MPHOSPH8: variants seen among roughly 807,000 people sequenced by gnomAD.
MPHOSPH8 encodes M-phase phosphoprotein, mpp.
Under a neutral mutation model 87.3 loss-of-function variants are expected in MPHOSPH8, and 45 were observed. That is an observed-to-expected ratio of 0.52 (90% CI 0.41 to 0.66). The LOEUF is 0.66. Ranked by LOEUF, MPHOSPH8 falls within the 30% of genes least tolerant of loss-of-function variation. The pLI is 0.00. For synonymous variants in MPHOSPH8, 366 were observed against 376.9 expected (o/e 0.97, Z 0.33); for missense variants, 883 against 1,020.2 (o/e 0.87, Z 1.83).
intron 3 of MPHOSPH8, among the ~76,000 whole-genome samples, 185 bp from the exon 4 acceptor site, chr13:19,648,234 AATT>A (rs892380118): frequency 1.1e-4 from 17 of 151,836 alleles, no homozygotes; most frequent in South Asian, 2.1e-4. Flanking sequence ...ATATTTTGTG[AATT>A]ATTATATGGT....
intron 9 of MPHOSPH8, 50 bp from the exon 10 acceptor site, chr13:19,666,375 A>G: frequency 6.4e-7 from 1 of 1,551,728 alleles, no homozygotes; most frequent in Non-Finnish European, 8.8e-7. Context: ...ACCAGCACCC[A>G]TGCCACAGTT....
At chr13:19,671,698 T>G in intron 13 of MPHOSPH8, 136 bp from the exon 14 acceptor site, 1 of 725,146 alleles carries the variant, frequency 1.4e-6, no homozygotes, top group Non-Finnish European at 2.4e-6. Context: ...GGCAATGATC[T>G]AACAATGTAA....
chr13:19,650,380 G>A, intron 5 of MPHOSPH8, 120 bp downstream of exon 5: 1 of 1,143,702 alleles, frequency 8.7e-7, no homozygotes. Flanking sequence ...GAGTTTATTT[G>A]GATCTCCTGA....
At chr13:19,649,593 G>C (rs952290490) in intron 4 of MPHOSPH8, among the ~76,000 whole-genome samples, 1 of 152,200 alleles carries the variant, frequency 6.6e-6, no homozygotes, top group South Asian at 2.1e-4. Flanking sequence ...CTGGCACCCT[G>C]CTGTTTCCCT....
At position 19,647,034 on chromosome 13, in the gene MPHOSPH8, G is replaced by A; in HGVS notation, c.961G>A (p.Glu321Lys). ...EKPLDSAMSAEEDTDVRGRRK... is the reference protein window; with the variant it reads ...EKPLDSAMSAKEDTDVRGRRK... ...GCCCCTAGACAGTGCCATGAGTGCTGAGGAGGATACCGATGTCAGAGGCAG... is the reference window on the plus strand; with the variant it reads ...GCCCCTAGACAGTGCCATGAGTGCTAAGGAGGATACCGATGTCAGAGGCAG... The change falls in exon 3 of 14, where the codon GAG becomes AAG. Residue 321 changes from glutamate to lysine, a missense_variant. Glu to Lys is a moderately conservative substitution (Grantham distance 56). This residue lies in a region of MPHOSPH8 where 741 missense variants were observed against 841.5 expected (regional missense o/e 0.88). Transcript: ENST00000361479. 2 of 1,607,160 alleles carry A rather than the reference G, an allele frequency of 1.2e-6. No homozygotes were observed. Among genetic ancestry groups the A allele is most frequent in the Non-Finnish European group, 1.7e-6 (2 of 1,178,252 alleles).
chr13:19,641,480 CTTTTTTTT>C (rs869295535), intron 1 of MPHOSPH8, among the ~76,000 whole-genome samples: 2 of 72,258 alleles, frequency 2.8e-5, no homozygotes. Flanking sequence ...GTGCCACCAT[CTTTTTTTT>C]TTTTTTTTTT....
At chr13:19,645,550 G>T (rs1874521754) in intron 2 of MPHOSPH8, among the ~76,000 whole-genome samples, 1 of 152,168 alleles carries the variant, frequency 6.6e-6, no homozygotes, top group African/African-American at 2.4e-5. Context: ...GAGGTCAGGG[G>T]TTCGAGACCA....
intron 8 of MPHOSPH8, 70 bp downstream of exon 8, chr13:19,661,908 T>G: frequency 5.4e-6 from 8 of 1,494,436 alleles, no homozygotes; most frequent in Non-Finnish European, 7.2e-6. Flanking sequence ...AGAGGATCTC[T>G]TTGGTAGTGA....
At position 19,668,424 on chromosome 13, in the gene MPHOSPH8, G is replaced by T; in HGVS notation, c.2222G>T (p.Arg741Leu). 6.2e-7 allele frequency: 1 copy of T among 1,613,974 alleles called. No individual in the cohort carries two copies. ...ACAATAAAGGATTACTTTGAAGCTC[G>T]CCTTGCTCTGCTAGAACCAGTTTTT... ...EETIKDYFEARLALLEPVFPI... is the reference protein window; with the variant it reads ...EETIKDYFEALLALLEPVFPI... The change falls in exon 11 of 14, where the codon CGC becomes CTC. Residue 741 changes from arginine to leucine, a missense_variant. By Grantham distance (102) the Arg-to-Leu change is moderately radical (BLOSUM62 -2). Around this residue, in one of 3 missense-constraint regions of MPHOSPH8, gnomAD observed 741 missense variants for 841.5 expected, o/e 0.88. Transcript: ENST00000361479.
intron 1 of MPHOSPH8, among the ~76,000 whole-genome samples, chr13:19,636,702 C>T (rs910393779): frequency 4.6e-5 from 7 of 152,102 alleles, no homozygotes; most frequent in African/African-American, 1.7e-4. Flanking sequence ...CCTTGAACTC[C>T]TGGGCTCAAG....
intron 1 of MPHOSPH8, 65 bp from the exon 2 acceptor site, chr13:19,642,050 T>TTG (rs1409260952): frequency 9.1e-7 from 1 of 1,097,496 alleles, no homozygotes; most frequent in Non-Finnish European, 1.2e-6. Flanking sequence ...GTTTTTTTTT[T>TTG]TTTTTTGGAA....
intron 7 of MPHOSPH8, among the ~76,000 whole-genome samples, 186 bp downstream of exon 7, chr13:19,659,475 G>T (rs1359618099): frequency 6.6e-6 from 1 of 152,110 alleles, no homozygotes; most frequent in Non-Finnish European, 1.5e-5. Context: ...ACCAGCCTGG[G>T]CTCCATGGTG....
chr13:19,663,256 C>T (rs1170552311), intron 9 of MPHOSPH8, 130 bp downstream of exon 9: 3 of 783,504 alleles, frequency 3.8e-6, no homozygotes, highest in East Asian at 5.0e-5. Context: ...TAGAGTCAGC[C>T]GCTTGCAGGG....
At position 19,666,306 on chromosome 13, in the gene MPHOSPH8, CCTT is replaced by C. The variant is rs1485809943; in HGVS notation, c.2020-114_2020-112del. 3.0e-5 allele frequency: 33 copies of C among 1,088,260 alleles called. No individual in the cohort carries two copies. In the East Asian group the frequency reaches 4.3e-4, roughly 14 times the overall value. 67.4% of individuals were successfully genotyped at this position (1,088,260 alleles called of 1,614,324 possible). A position where few individuals can be genotyped will look rare whatever the true frequency, so the allele number is the denominator to read the frequency against. ...CTGACGGGCCCCAAAAGTTCTCTAT[CCTT>C]CTTCCATGGCCTGTGCCCTCTCTTC... is the stretch of plus-strand genomic sequence containing the variant. On this transcript the variant is annotated intron_variant, in intron 9 of 13. Coordinates refer to ENST00000361479, the MANE Select transcript of MPHOSPH8 (RefSeq NM_017520.4).
chr13:19,670,895 C>G (rs1157879317), intron 12 of MPHOSPH8: 1 of 1,027,368 alleles, frequency 9.7e-7, no homozygotes, highest in Non-Finnish European at 1.3e-6. Flanking sequence ...TTACAGCTCA[C>G]TGGAGTCTTG....
intron 7 of MPHOSPH8, chr13:19,659,585 G>C (rs376405386): frequency 9.8e-5 from 38 of 385,864 alleles, no homozygotes; most frequent in African/African-American, 2.7e-4. Context: ...GATCACCTGA[G>C]CCTGGGAGGT....
Position 19,646,576 on chromosome 13 carries a change from T to C in MPHOSPH8, c.503T>C (p.Leu168Pro), listed in dbSNP as rs1188178566. The C allele has an allele frequency of 8.8e-6, 14 of 1,583,180 alleles. No individual in the cohort carries two copies. The highest frequency in any genetic ancestry group is 2.2e-5 in the East Asian group (1 of 44,492). The change falls in exon 3 of 14, where the codon CTG becomes CCG. Residue 168 changes from leucine (L) to proline (P), a missense_variant. Coordinates refer to ENST00000361479, the MANE Select transcript of MPHOSPH8 (RefSeq NM_017520.4). Reference sequence around the variant, plus strand: ...AGAGAAGAGAAAAGCCCAGATGATCTGAAAAAGAAAAAAGCAAAGGCCGGG... The same window carrying C: ...AGAGAAGAGAAAAGCCCAGATGATCCGAAAAAGAAAAAAGCAAAGGCCGGG... ...RQREEKSPDD[L>P]KKKKAKAGKL...
chr13:19,664,701 C>T (rs1316542860), intron 9 of MPHOSPH8, among the ~76,000 whole-genome samples: 8 of 151,958 alleles, frequency 5.3e-5, no homozygotes, highest in South Asian at 2.1e-4. Context: ...CTGGAGGTGA[C>T]GCCTGGGCAT....
rs1309202687 is a variant in MPHOSPH8, at chr13:19,668,408, G to A, written c.2206G>A (p.Asp736Asn). The A allele has an allele frequency of 6.2e-7, 1 of 1,613,948 alleles. No homozygotes were observed. Among genetic ancestry groups the A allele is most frequent in the Admixed American group, 1.7e-5 (1 of 60,012 alleles). Residue 736 changes from aspartate (D) to asparagine (N), a missense_variant, in exon 11 of 14, where the codon GAT becomes AAT. Around this residue, in one of 3 missense-constraint regions of MPHOSPH8, gnomAD observed 741 missense variants for 841.5 expected, o/e 0.88. Coordinates refer to ENST00000361479, the MANE Select transcript of MPHOSPH8 (RefSeq NM_017520.4). ...LSRVAEETIK[D>N]YFEARLALLE... ...AAGAGTAGCAGAAGAGACAATAAAG[G>A]ATTACTTTGAAGCTCGCCTTGCTCT...
Sources: gnomAD v4.1 joint callset for allele counts (sites outside exome capture counted in the v4.1 genomes callset) on GRCh38, gnomAD v4.1.1 for gene constraint, gnomAD v4.1.1 regional missense constraint, MANE v1.5 for transcripts, NCBI Gene and HGNC (gene_info 2026-07-23, HGNC 2026-07-21) for gene names.